The following TRPV6 variants were observed in gnomAD, a reference collection of about 807,000 sequenced individuals.
TRPV6 encodes Alu-binding protein with zinc finger domain.
Under a neutral mutation model 79.0 loss-of-function variants are expected in TRPV6, and 39 were observed. The observed-to-expected ratio is 0.49, with a 90% CI of 0.38 to 0.64. The LOEUF (loss-of-function observed/expected upper bound fraction) is 0.64. Ranked by LOEUF, TRPV6 falls within the 30% of genes least tolerant of loss-of-function variation. The pLI is 0.00. For synonymous variants in TRPV6, 373 were observed against 391.9 expected (o/e 0.95, Z 0.57); for missense variants, 813 against 1,011.1 (o/e 0.80, Z 2.66).
chr7:142,872,334 G>T, intron 14 of TRPV6, 38 bp downstream of exon 14: 1 of 1,605,394 alleles, frequency 6.2e-7, no homozygotes, highest in Non-Finnish European at 8.5e-7. Flanking sequence ...CTGCCGATGA[G>T]GCTTCTCAGG....
chr7:142,876,172 G>A (rs4987660), intron 6 of TRPV6: 73,770 of 716,568 alleles, frequency 0.1, 8,770 homozygotes, highest in African/African-American at 0.49. Context: ...AGGTGGGCTG[G>A]GGCATTACAG....
intron 6 of TRPV6, 84 bp downstream of exon 6, chr7:142,876,324 C>T (rs1795067101): frequency 1.1e-5 from 16 of 1,511,704 alleles, no homozygotes; most frequent in East Asian, 2.4e-5. Flanking sequence ...TCAGGGATCG[C>T]GTTCACCTCT....
chr7:142,874,431 G>T, intron 11 of TRPV6, 60 bp downstream of exon 11: 1 of 1,601,142 alleles, frequency 6.2e-7, no homozygotes, highest in South Asian at 1.1e-5. Context: ...CCCTTTATGG[G>T]ACCGTCTGCT....
intron 10 of TRPV6, 108 bp downstream of exon 10, chr7:142,874,796 A>G: frequency 1.3e-6 from 2 of 1,550,600 alleles, no homozygotes; most frequent in East Asian, 4.5e-5. Context: ...TACACACAGC[A>G]CTAGAGAGGG....
Position 142,877,794 on chromosome 7 carries a change from G to A in TRPV6, c.347-21C>T, listed in dbSNP as rs779576876. 101 of 1,613,898 alleles carry A rather than the reference G, an allele frequency of 6.3e-5. 1 individual carries two copies. Among genetic ancestry groups the A allele is most frequent in the Non-Finnish European group, 2.8e-5 (33 of 1,179,934 alleles). On this transcript the variant is annotated intron_variant, in intron 2 of 14. Coordinates refer to ENST00000359396, the MANE Select transcript of TRPV6 (RefSeq NM_018646.6). Reference sequence around the variant, plus strand: ...GGCTCCTGGCATTTACAGAGAGGTGGGTTATATGGCTTCTGTGGGACAGCG... The same window carrying A: ...GGCTCCTGGCATTTACAGAGAGGTGAGTTATATGGCTTCTGTGGGACAGCG...
rs1308704755 is a variant in TRPV6, at chr7:142,873,776, C to G, written c.1640-60G>C. 3.1e-6 allele frequency: 5 copies of G among 1,597,478 alleles called. No homozygotes were observed. Among genetic ancestry groups the G allele is most frequent in the African/African-American group, 1.3e-5 (1 of 74,588 alleles). ...AACCATGCAGACGACCAGCCCACCC[C>G]GGGCTCTGCGTGCATGTCCATCCTG... On this transcript the variant is annotated intron_variant, in intron 12 of 14. Coordinates refer to ENST00000359396, the MANE Select transcript of TRPV6 (RefSeq NM_018646.6). This position sits in a 1 kb window ranked among gnomAD's most constrained non-coding sequence, Gnocchi z 4.8.
chr7:142,872,401 C>A lies in TRPV6; in HGVS notation c.1986G>T (p.Glu662Asp). 1 of 1,614,264 alleles carries A rather than the reference C, an allele frequency of 6.2e-7. No individual in the cohort carries two copies. The highest frequency in any genetic ancestry group is 8.5e-7 in the Non-Finnish European group (1 of 1,180,042). Residue 662 changes from glutamate to aspartate, a missense_variant, in exon 14 of 15, where the codon GAG (glutamate) becomes GAT (aspartate). Around this residue, in one of 3 missense-constraint regions of TRPV6, gnomAD observed 164 missense variants for 186.1 expected, o/e 0.88. Coordinates refer to ENST00000359396, the MANE Select transcript of TRPV6 (RefSeq NM_018646.6). Reference sequence around the variant, plus strand: ...GGAACCAGCGGTCTCCCAGGCCATACTCCCGTCCGCAGATCCCGGAGCGAG... The same window carrying A: ...GGAACCAGCGGTCTCCCAGGCCATAATCCCGTCCGCAGATCCCGGAGCGAG...
At position 142,876,587 on chromosome 7, in the gene TRPV6, G is replaced by A. The variant is rs1367759103; in HGVS notation, c.707-4C>T. ...AGGATGTGTAACACTGTGTTTCCTG[G>A]GGAGGACACAGGGTATCATGTGGCC... On this transcript the variant is annotated splice_polypyrimidine_tract_variant and splice_region_variant and intron_variant, in intron 5 of 14. Coordinates refer to ENST00000359396, the MANE Select transcript of TRPV6 (RefSeq NM_018646.6). 5.6e-6 allele frequency: 9 copies of A among 1,613,878 alleles called. No homozygotes were observed. The highest frequency in any genetic ancestry group is 7.6e-6 in the Non-Finnish European group (9 of 1,179,950).
intron 11 of TRPV6, among the ~76,000 whole-genome samples, 165 bp downstream of exon 11, chr7:142,874,326 G>C (rs987966634): frequency 2.0e-5 from 3 of 152,114 alleles, no homozygotes; most frequent in East Asian, 1.9e-4. Flanking sequence ...AACTGAAAAG[G>C]GTTTCTACAT....
intron 6 of TRPV6, 46 bp from the exon 7 acceptor site, chr7:142,875,950 G>A (rs181911395): frequency 5.2e-5 from 80 of 1,532,024 alleles, no homozygotes; most frequent in African/African-American, 4.3e-4. Context: ...CAAAGGGGAC[G>A]GTCACAGAGT....
chr7:142,876,095 A>G (rs1325187787), intron 6 of TRPV6, 191 bp from the exon 7 acceptor site: 3 of 681,434 alleles, frequency 4.4e-6, no homozygotes, highest in Non-Finnish European at 7.0e-6. Context: ...CTCTCCCATG[A>G]CTCCCTCCAG....
At chr7:142,874,862 C>T in intron 10 of TRPV6, 42 bp downstream of exon 10, 2 of 1,611,242 alleles carry the variant, frequency 1.2e-6, no homozygotes, top group East Asian at 4.5e-5. Context: ...GAACTGGAGC[C>T]CTGTTGAGGG....
At chr7:142,877,313 TC>T (rs1795097001) in intron 3 of TRPV6, 34 bp from the exon 4 acceptor site, 1 of 1,607,476 alleles carries the variant, frequency 6.2e-7, no homozygotes, top group African/African-American at 1.3e-5. Context: ...CACGGGTCTG[TC>T]CCCAGGATCC....
At position 142,877,884 on chromosome 7, in the gene TRPV6, G is replaced by A. The variant is rs74680532; in HGVS notation, c.346+45C>T. On this transcript the variant is annotated intron_variant, in intron 2 of 14. Coordinates refer to ENST00000359396, the MANE Select transcript of TRPV6 (RefSeq NM_018646.6). Reference sequence around the variant, plus strand: ...CCTGGGCACTCCTGGGAGGCCCCATGTGTGGGGCTCACCTAGGAGATCATG... The same window carrying A: ...CCTGGGCACTCCTGGGAGGCCCCATATGTGGGGCTCACCTAGGAGATCATG... 1.2e-3 allele frequency: 1,875 copies of A among 1,610,638 alleles called. 21 individuals carry two copies. The East Asian group carries it at 0.033, about 28-fold the overall frequency.
Position 142,885,692 on chromosome 7 carries a change from C to G in TRPV6, c.-56G>C. ...TTGGGAGTCTCCCAGCAGCCCCAGC[C>G]AGTTTGGAGAGGGCTGTGAGTTTGT... On this transcript the variant is annotated 5_prime_UTR_variant, in exon 1 of 15. Transcript: ENST00000359396. 3 of 840,600 alleles carry G rather than the reference C, an allele frequency of 3.6e-6. No homozygotes were observed. Among genetic ancestry groups the G allele is most frequent in the Non-Finnish European group, 5.2e-6 (3 of 574,214 alleles). 52.1% of individuals were successfully genotyped at this position (840,600 alleles called of 1,614,324 possible).
In TRPV6 at chr7:142,873,977, C is replaced by G. The variant is rs917821750; in HGVS notation, c.1639+99G>C. On this transcript the variant is annotated intron_variant, in intron 12 of 14. Coordinates refer to ENST00000359396, the MANE Select transcript of TRPV6 (RefSeq NM_018646.6). The surrounding 1 kb of genome is among the most constrained non-coding windows in gnomAD (Gnocchi z 4.8). Reference sequence around the variant, plus strand: ...TGATACCATAGGTCTCCTCTGATCTCTGCATTACTCCTCCTCCCCAAGTTT... The same window carrying G: ...TGATACCATAGGTCTCCTCTGATCTGTGCATTACTCCTCCTCCCCAAGTTT... The G allele has an allele frequency of 1.5e-6, 2 of 1,372,812 alleles. No individual in the cohort carries two copies. Among genetic ancestry groups the G allele is most frequent in the Non-Finnish European group, 2.0e-6 (2 of 980,850 alleles). 85.0% of individuals were successfully genotyped at this position (1,372,812 alleles called of 1,614,324 possible).
rs1383492780 is a variant in TRPV6, at chr7:142,871,894, A to G, written c.2111T>C (p.Val704Ala). The change falls in exon 15 of 15, where the codon GTG (valine) becomes GCG (alanine). Residue 704 changes from valine (V) to alanine (A), a missense_variant. Val to Ala is a moderately conservative substitution (Grantham distance 64). This residue lies in a region of TRPV6 where 164 missense variants were observed against 186.1 expected (regional missense o/e 0.88). Transcript: ENST00000359396. ...GGGACAGCCCAGCTCTAGTTTTTCC[A>G]CTGAGTCTTTGTCCAAATCCTCAGA... 1.9e-6 allele frequency: 3 copies of G among 1,613,996 alleles called. No homozygotes were observed. The highest frequency in any genetic ancestry group is 2.5e-6 in the Non-Finnish European group (3 of 1,180,010).
At chr7:142,876,007 G>T in intron 6 of TRPV6, 103 bp from the exon 7 acceptor site, 1 of 1,338,682 alleles carries the variant, frequency 7.5e-7, no homozygotes. Flanking sequence ...GGAGAAGGTG[G>T]CTGCCCTTTC....
chr7:142,874,187 G>A (rs1795004794), intron 11 of TRPV6, 45 bp from the exon 12 acceptor site: 1 of 1,594,092 alleles, frequency 6.3e-7, no homozygotes, highest in Non-Finnish European at 8.6e-7. Flanking sequence ...CATTCCCCAA[G>A]CAATTGCCCC....
Sources: allele counts gnomAD v4.1 joint callset (sites outside exome capture counted in the v4.1 genomes callset), GRCh38; gene constraint gnomAD v4.1.1; regional missense constraint gnomAD v4.1.1; non-coding constraint Gnocchi (gnomAD v3.1); transcripts MANE v1.5; gene names NCBI Gene and HGNC (gene_info 2026-07-23, HGNC 2026-07-21).